Variants in CAMK2D observed in about 807,000 individuals in gnomAD.
The protein encoded by CAMK2D is calcium/calmodulin-dependent protein kinase type II subunit delta.
A neutral mutation model predicts 84.0 loss-of-function variants in CAMK2D; 37 were observed. The observed-to-expected ratio is 0.44, with a 90% confidence interval of 0.34 to 0.58. The LOEUF is 0.58. CAMK2D is among the 20% of genes least tolerant of loss of function. The pLI, the probability that CAMK2D is intolerant of heterozygous loss-of-function variation, is 0.02. For missense variants in CAMK2D, 448 were observed against 652.5 expected, an observed-to-expected ratio of 0.69 and a Z score of 3.41; for synonymous variants, 202 against 212.5, an observed-to-expected ratio of 0.95 and a Z score of 0.43.
chr4:113,660,308 T>C (rs1276373897), intron 3 of CAMK2D, among the ~76,000 whole-genome samples: 1 of 152,224 alleles, frequency 6.6e-6, no homozygotes, highest in Non-Finnish European at 1.5e-5. Context: ...TTTTAAAAAT[T>C]TTGAAAAGTC....
chr4:113,483,076 T>C (rs539316127), intron 16 of CAMK2D, among the ~76,000 whole-genome samples: 19 of 152,368 alleles, frequency 1.2e-4, no homozygotes, highest in Middle Eastern at 3.4e-3. Context: ...TATCCACTCA[T>C]GTACTCTGGA....
intron 15 of CAMK2D, among the ~76,000 whole-genome samples, chr4:113,502,303 CCT>C (rs895067655): frequency 2.0e-5 from 3 of 151,640 alleles, no homozygotes; most frequent in Admixed American, 6.6e-5. Flanking sequence ...TAGTTAAACC[CCT>C]GTTACTGGAA....
At chr4:113,605,436 G>A (rs761197286) in intron 4 of CAMK2D, among the ~76,000 whole-genome samples, 3 of 152,112 alleles carry the variant, frequency 2.0e-5, no homozygotes, top group Non-Finnish European at 2.9e-5. Context: ...CCCAGGCACT[G>A]AACCTAAAAG....
intron 4 of CAMK2D, among the ~76,000 whole-genome samples, chr4:113,575,600 T>A (rs186807410): frequency 1.3e-5 from 2 of 152,334 alleles, no homozygotes; most frequent in Admixed American, 1.3e-4. Context: ...CACAATGTTT[T>A]TGTAGCTCTA....
chr4:113,575,227 A>G (rs1240446525), intron 4 of CAMK2D, among the ~76,000 whole-genome samples: 1 of 152,194 alleles, frequency 6.6e-6, no homozygotes. Context: ...GGATAGAAAG[A>G]CAATAGAAGA....
At chr4:113,470,667 C>T (rs2154117638) in intron 16 of CAMK2D, among the ~76,000 whole-genome samples, 1 of 151,714 alleles carries the variant, frequency 6.6e-6, no homozygotes, top group South Asian at 2.1e-4. Context: ...AAAGTCTTCC[C>T]TGAGCCTCAT....
chr4:113,572,079 A>G (rs2098756569), intron 4 of CAMK2D, among the ~76,000 whole-genome samples: 1 of 152,174 alleles, frequency 6.6e-6, no homozygotes, highest in South Asian at 2.1e-4. Flanking sequence ...TTCATAAAAA[A>G]AAAAAGGAAG....
chr4:113,547,595 G>A (rs1182361068), intron 6 of CAMK2D, 49 bp downstream of exon 6: 5 of 1,216,030 alleles, frequency 4.1e-6, no homozygotes, highest in Non-Finnish European at 5.8e-6. Flanking sequence ...CAGCTGAACA[G>A]TCATTAGGAA....
intron 3 of CAMK2D, among the ~76,000 whole-genome samples, chr4:113,645,841 G>A (rs1463740842): frequency 6.6e-6 from 1 of 152,186 alleles, no homozygotes; most frequent in Non-Finnish European, 1.5e-5. Flanking sequence ...GAGACCATGA[G>A]CCCCTCACAC....
intron 6 of CAMK2D, among the ~76,000 whole-genome samples, chr4:113,537,877 A>G (rs1384546493): frequency 6.6e-6 from 1 of 152,214 alleles, no homozygotes; most frequent in African/African-American, 2.4e-5. Flanking sequence ...GGCAAATGAA[A>G]CTGTGCAAAT....
chr4:113,645,272 T>C (rs1276041113), intron 3 of CAMK2D, among the ~76,000 whole-genome samples: 1 of 152,144 alleles, frequency 6.6e-6, no homozygotes, highest in Non-Finnish European at 1.5e-5. Flanking sequence ...CGCCTCAGCC[T>C]CCAAAAGTGC....
intron 4 of CAMK2D, among the ~76,000 whole-genome samples, chr4:113,573,029 C>T (rs1435938919): frequency 2.6e-5 from 4 of 152,074 alleles, no homozygotes; most frequent in Non-Finnish European, 4.4e-5. Flanking sequence ...ACAACAGATA[C>T]TGGGGTCTAC....
At chr4:113,547,775 A>G in intron 5 of CAMK2D, 59 bp from the exon 6 acceptor site, 1 of 1,085,672 alleles carries the variant, frequency 9.2e-7, no homozygotes, top group Admixed American at 2.3e-5. Context: ...CTGTCTGTAT[A>G]CCCTCAGAGA....
chr4:113,505,107 T>C, intron 13 of CAMK2D, 72 bp from the exon 14 acceptor site: 1 of 820,992 alleles, frequency 1.2e-6, no homozygotes, highest in Non-Finnish European at 1.9e-6. Flanking sequence ...AGATGCAGCA[T>C]GTCTACATAG....
At chr4:113,631,437 C>T (rs6853484) in intron 3 of CAMK2D, among the ~76,000 whole-genome samples, 24,656 of 152,048 alleles carry the variant, frequency 0.16, 3,403 homozygotes, top group African/African-American at 0.35. Context: ...TTAAACATCA[C>T]CCAGACAGGC....
intron 2 of CAMK2D, chr4:113,754,032 T>A: frequency 1.1e-6 from 1 of 890,188 alleles, no homozygotes. Flanking sequence ...CATTTAATAT[T>A]TATTAAATAA....
intron 3 of CAMK2D, among the ~76,000 whole-genome samples, chr4:113,632,278 C>T (rs1181280839): frequency 6.6e-6 from 1 of 152,096 alleles, no homozygotes; most frequent in Non-Finnish European, 1.5e-5. Flanking sequence ...GGCTGGAGTG[C>T]AATGGCACAA....
At chr4:113,655,217 C>A (rs991353948) in intron 3 of CAMK2D, among the ~76,000 whole-genome samples, 1 of 152,034 alleles carries the variant, frequency 6.6e-6, no homozygotes, top group African/African-American at 2.4e-5. Flanking sequence ...ACAGAGCAGG[C>A]CAGCATCAGA....
chr4:113,668,658 G>A (rs1024063930), intron 2 of CAMK2D, among the ~76,000 whole-genome samples: 5 of 151,912 alleles, frequency 3.3e-5, no homozygotes, highest in African/African-American at 7.3e-5. Context: ...CCAGGCCACC[G>A]ATAACAGAAA....
Sources: gnomAD v4.1 joint callset for allele counts (sites outside exome capture counted in the v4.1 genomes callset) on GRCh38, gnomAD v4.1.1 for gene constraint, MANE v1.5 for transcripts, NCBI Gene and HGNC (gene_info 2026-07-23, HGNC 2026-07-21) for gene names.